EP400: variants seen among roughly 807,000 people sequenced by gnomAD.
EP400 encodes the protein E1A-binding protein p400.
In EP400, 105 loss-of-function variants were observed where a neutral mutation model predicts 354.1. The ratio of observed to expected loss-of-function variants is 0.30; its 90% CI spans 0.25 to 0.35. The LOEUF (loss-of-function observed/expected upper bound fraction) is 0.35, where lower values mean the gene tolerates loss of function less well. Ranked by LOEUF, EP400 falls within the 10% of genes least tolerant of loss-of-function variation. The probability of loss-of-function intolerance (pLI) is 1.00; values close to 1 mark genes in which losing one functional copy is unlikely to be tolerated. For synonymous variants in EP400, 1,646 were observed against 1,716.9 expected (o/e 0.96, Z 1.02); for missense variants, 3,280 against 4,121.0 (o/e 0.80, Z 5.59).
chr12:132,077,477 C>T lies in EP400; in HGVS notation c.9176C>T (p.Ala3059Val), dbSNP rs781222051. The T allele has an allele frequency of 8.1e-6, 13 of 1,613,398 alleles. No individual in the cohort carries two copies. Among genetic ancestry groups the T allele is most frequent in the South Asian group, 4.4e-5 (4 of 91,088 alleles). Residue 3059 changes from alanine (A) to valine (V), a missense_variant, in exon 53 of 53, where the codon GCG (alanine) becomes GTG (valine). By Grantham distance (64) the Ala-to-Val change is moderately conservative (BLOSUM62 0). This residue lies in a region of EP400 where 279 missense variants were observed against 386.7 expected (regional missense o/e 0.72). Transcript: ENST00000389561. ...GTGCAGATGATCCCTGCAGTGACCG[C>T]GACTGCCCAGGTGGTTCAGCAGAAA... The part of the protein sequence containing the change: ...QQVQMIPAVT[A>V]TAQVVQQKLI...
chr12:132,013,495 A>G lies in EP400; in HGVS notation c.3617A>G (p.Gln1206Arg). The G allele has an allele frequency of 2.6e-6, 4 of 1,562,120 alleles. No homozygotes were observed. The highest frequency in any genetic ancestry group is 3.5e-6 in the Non-Finnish European group (4 of 1,153,266). The change falls in exon 18 of 53, where the codon CAA becomes CGA. Residue 1206 changes from glutamine (Q) to arginine (R), a missense_variant. Gln to Arg is a conservative substitution (Grantham distance 43, BLOSUM62 1). This residue lies in a region of EP400 where 242 missense variants were observed against 357.9 expected (regional missense o/e 0.68). Coordinates refer to ENST00000389561, the MANE Select transcript of EP400 (RefSeq NM_015409.5). This position sits in a 1 kb window ranked among gnomAD's most constrained non-coding sequence, Gnocchi z 4.5. ...GTCTCTTGTCCTGTTTGCAGCCAAC[A>G]ACGTCTGCTTCTGATCGACTCGCCG... ...WEAVFTLQSQQRLLLIDSPLH... is the reference protein window; with the variant it reads ...WEAVFTLQSQRRLLLIDSPLH...
intron 30 of EP400, among the ~76,000 whole-genome samples, chr12:132,036,785 C>G (rs1894732942): frequency 6.6e-6 from 1 of 152,182 alleles, no homozygotes; most frequent in South Asian, 2.1e-4. Flanking sequence ...AGTAGATTTT[C>G]ATTTAAAGGC....
At chr12:132,046,050 G>C in intron 39 of EP400, 150 bp downstream of exon 39, 1 of 1,018,846 alleles carries the variant, frequency 9.8e-7, no homozygotes, top group Admixed American at 2.6e-5. Flanking sequence ...GGCTCCTGGT[G>C]GACCCAGCGA....
At chr12:131,972,042 T>C (rs1055557622) in intron 2 of EP400, among the ~76,000 whole-genome samples, 9 of 152,182 alleles carry the variant, frequency 5.9e-5, no homozygotes, top group African/African-American at 2.2e-4. Flanking sequence ...GTTACAGACT[T>C]GCGGCAGGTG....
chr12:131,996,437 G>A (rs1019486496), intron 12 of EP400, among the ~76,000 whole-genome samples: 1 of 151,474 alleles, frequency 6.6e-6, no homozygotes, highest in Non-Finnish European at 1.5e-5. Context: ...GACTACAGCC[G>A]CCCGCCACCA....
chr12:132,053,836 T>A (rs1397959541), intron 43 of EP400, among the ~76,000 whole-genome samples: 1 of 152,190 alleles, frequency 6.6e-6, no homozygotes, highest in Non-Finnish European at 1.5e-5. Flanking sequence ...GTGGCTTTAT[T>A]GGATTTGGCA....
intron 45 of EP400, 33 bp downstream of exon 45, chr12:132,055,241 G>A (rs1416406982): frequency 6.8e-7 from 1 of 1,466,718 alleles, no homozygotes; most frequent in African/African-American, 1.4e-5. Flanking sequence ...TGTGCACCTT[G>A]ACTGCATTCT....
At chr12:132,020,318 C>A in intron 22 of EP400, 100 bp downstream of exon 22, 1 of 1,396,796 alleles carries the variant, frequency 7.2e-7, no homozygotes, top group Non-Finnish European at 9.6e-7. Context: ...GTAATTGTCC[C>A]TGAGTGGGAA....
chr12:132,028,166 G>A lies in EP400; in HGVS notation c.5259G>A (p.Leu1753=), dbSNP rs771583201. 5.0e-6 allele frequency: 8 copies of A among 1,614,058 alleles called. No individual in the cohort carries two copies. The highest frequency in any genetic ancestry group is 1.3e-5 in the African/African-American group (1 of 74,924). ...SHGRVQWRGS[L]DGRRGKEAGP... ...GAAGGGTACAGTGGCGTGGGTCCCTGGATGGCCGTCGTGGGAAGGAGGCCG... is the reference window on the plus strand; with the variant it reads ...GAAGGGTACAGTGGCGTGGGTCCCTAGATGGCCGTCGTGGGAAGGAGGCCG... Residue 1753 remains leucine, a synonymous_variant, in exon 27 of 53, where the codon CTG becomes CTA. Coordinates refer to ENST00000389561, the MANE Select transcript of EP400 (RefSeq NM_015409.5).
Position 131,961,744 on chromosome 12 carries a change from G to C in EP400, c.1125G>C (p.Glu375Asp). ...RKQCLDYHYQ[E>D]MQALKEVFKE... The stretch of plus-strand genomic sequence containing the variant: ...AGTGCCTGGACTATCATTACCAGGA[G>C]ATGCAGGCTCTGAAGGAGGTCTTCA... Residue 375 changes from glutamate (E) to aspartate (D), a missense_variant, in exon 2 of 53, where the codon GAG becomes GAC. Physicochemically the swap from Glu to Asp is conservative, Grantham distance 45. Coordinates refer to ENST00000389561, the MANE Select transcript of EP400 (RefSeq NM_015409.5). 2 of 1,614,250 alleles carry C rather than the reference G, an allele frequency of 1.2e-6. No homozygotes were observed. Among genetic ancestry groups the C allele is most frequent in the Non-Finnish European group, 1.7e-6 (2 of 1,180,044 alleles).
At chr12:131,991,589 T>TG in intron 10 of EP400, 133 bp downstream of exon 10, 2 of 879,746 alleles carry the variant, frequency 2.3e-6, no homozygotes, top group Non-Finnish European at 3.5e-6. Flanking sequence ...TTTTTTTTTT[T>TG]TTTGTTTTAG....
Position 131,961,689 on chromosome 12 carries a change from C to A in EP400, c.1070C>A (p.Ala357Asp). ...VPKKLEEIPPASPEMAQMRKQ... is the reference protein window; with the variant it reads ...VPKKLEEIPPDSPEMAQMRKQ... ...AAGAAGTTAGAGGAGATTCCCCCAGCCTCTCCGGAGATGGCACAGATGAGG... is the reference window on the plus strand; with the variant it reads ...AAGAAGTTAGAGGAGATTCCCCCAGACTCTCCGGAGATGGCACAGATGAGG... Residue 357 changes from alanine to aspartate, a missense_variant, in exon 2 of 53, where the codon GCC (alanine) becomes GAC (aspartate). This residue lies in a region of EP400 where 85 missense variants were observed against 180.3 expected (regional missense o/e 0.47). Coordinates refer to ENST00000389561, the MANE Select transcript of EP400 (RefSeq NM_015409.5). The A allele has an allele frequency of 6.2e-7, 1 of 1,613,970 alleles. No homozygotes were observed. Among genetic ancestry groups the A allele is most frequent in the Non-Finnish European group, 8.5e-7 (1 of 1,179,904 alleles).
intron 45 of EP400, among the ~76,000 whole-genome samples, chr12:132,055,661 G>T (rs1475108421): frequency 7.5e-6 from 1 of 134,014 alleles, no homozygotes; most frequent in Admixed American, 7.5e-5. Flanking sequence ...GAGGTGTAGG[G>T]GTATGTGTGT....
In EP400 at chr12:131,973,014, G is replaced by C. The variant is rs554841222; in HGVS notation, c.1336-6680G>C. 2.6e-5 allele frequency among the ~76,000 whole-genome samples: 4 copies of C among 152,270 alleles called. No individual in the cohort carries two copies. In the East Asian group the frequency reaches 7.7e-4, roughly 29 times the overall value. On this transcript the variant is annotated intron_variant, in intron 2 of 52. Coordinates refer to ENST00000389561, the MANE Select transcript of EP400 (RefSeq NM_015409.5). ...CCCAAAGTGCTGGGATTACAGGCAT[G>C]AGCCACCATGCCTGACTGATTTTTT... is the stretch of plus-strand genomic sequence containing the variant.
At chr12:132,035,944 G>T (rs528013818) in intron 30 of EP400, among the ~76,000 whole-genome samples, 522 of 134,820 alleles carry the variant, frequency 3.9e-3, no homozygotes, top group Non-Finnish European at 6.0e-3. Flanking sequence ...GCACACCCAG[G>T]TTCACACACA....
At chr12:132,046,105 T>C (rs941814608) in intron 39 of EP400, among the ~76,000 whole-genome samples, 2 of 152,226 alleles carry the variant, frequency 1.3e-5, no homozygotes, top group African/African-American at 4.8e-5. Flanking sequence ...TGAGCAGTGA[T>C]GGAGGAGTTC....
intron 39 of EP400, among the ~76,000 whole-genome samples, chr12:132,047,059 T>C (rs539645447): frequency 6.6e-6 from 1 of 152,384 alleles, no homozygotes; most frequent in South Asian, 2.1e-4. Flanking sequence ...TAACATTTTC[T>C]CCATAGTAGC....
Position 132,067,036 on chromosome 12 carries a change from G to T in EP400, c.8749+67G>T. 6.9e-7 allele frequency: 1 copy of T among 1,458,026 alleles called. No homozygotes were observed. 90.3% of individuals were successfully genotyped at this position (1,458,026 alleles called of 1,614,324 possible). A position where few individuals can be genotyped will look rare whatever the true frequency, so the allele number is the denominator to read the frequency against. ...GGTTTCACAGGCCTCTCTGGTGGCA[G>T]TGGTCGCCAGCGACCCGTGTTCTTT... On this transcript the variant is annotated intron_variant, in intron 49 of 52. Coordinates refer to ENST00000389561, the MANE Select transcript of EP400 (RefSeq NM_015409.5). This position sits in a 1 kb window ranked among gnomAD's most constrained non-coding sequence, Gnocchi z 5.3.
At chr12:131,971,718 A>G (rs963368226) in intron 2 of EP400, among the ~76,000 whole-genome samples, 4 of 151,390 alleles carry the variant, frequency 2.6e-5, no homozygotes, top group Non-Finnish European at 4.4e-5. Context: ...GTCTTCCAGT[A>G]TAATCTCAAG....
Sources: gnomAD v4.1 joint callset for allele counts (sites outside exome capture counted in the v4.1 genomes callset) on GRCh38, gnomAD v4.1.1 for gene constraint, gnomAD v4.1.1 regional missense constraint, Gnocchi (gnomAD v3.1) non-coding constraint, MANE v1.5 for transcripts, NCBI Gene and HGNC (gene_info 2026-07-23, HGNC 2026-07-21) for gene names.